Variants in DSCAM observed in about 807,000 individuals in gnomAD.
The protein encoded by DSCAM is DS cell adhesion molecule.
In DSCAM, 47 loss-of-function variants were observed where a neutral mutation model predicts 217.7. That is an observed-to-expected ratio of 0.22 (90% CI 0.17 to 0.28). The LOEUF (loss-of-function observed/expected upper bound fraction) is 0.28. DSCAM is among the 10% of genes least tolerant of loss of function. The probability of loss-of-function intolerance (pLI) is 1.00; values close to 1 mark genes in which losing one functional copy is unlikely to be tolerated. For missense variants in DSCAM, 2,080 were observed against 2,618.3 expected (o/e 0.79, Z 4.49); for synonymous variants, 1,056 against 1,015.3 (o/e 1.04, Z -0.76).
In DSCAM at chr21:40,719,976, T is replaced by C. The variant is rs147624617; in HGVS notation, c.44-11205A>G. Among the ~76,000 whole-genome samples the C allele has an allele frequency of 4.1e-4, 63 of 152,130 alleles. 1 individual carries two copies. In the East Asian group the frequency reaches 0.011, roughly 28 times the overall value. On this transcript the variant is annotated intron_variant, in intron 1 of 32. Coordinates refer to ENST00000400454, the MANE Select transcript of DSCAM (RefSeq NM_001389.5). ...GGAAAAAAATCATGAAGGAGATAAA[T>C]AGGAAATTAGGAGATCAGTAGCTCA...
chr21:40,708,542 G>A lies in DSCAM; in HGVS notation c.273C>T (p.Phe91=). The change falls in exon 2 of 33, where the codon TTC becomes TTT. Residue 91 remains phenylalanine (F), a synonymous_variant. Coordinates refer to ENST00000400454, the MANE Select transcript of DSCAM (RefSeq NM_001389.5). ...AAGTATTATCATGGATTAAGGTACT[G>A]AAGCTTGAAGGAGGGAAGGGGAAAA... ...LQIFPFPPSS[F]STLIHDNTYY... 2.5e-6 allele frequency: 4 copies of A among 1,593,582 alleles called. No individual in the cohort carries two copies. The highest frequency in any genetic ancestry group is 3.4e-6 in the Non-Finnish European group (4 of 1,168,206).
intron 14 of DSCAM, among the ~76,000 whole-genome samples, chr21:40,182,699 G>A (rs372340345): frequency 0.056 from 802 of 14,278 alleles, 2 homozygotes; most frequent in Middle Eastern, 0.1. Context: ...AACCGTGGAC[G>A]GGGGGGGGTT....
chr21:40,473,588 C>T (rs1177621396), intron 3 of DSCAM, among the ~76,000 whole-genome samples: 1 of 152,180 alleles, frequency 6.6e-6, no homozygotes, highest in African/African-American at 2.4e-5. Flanking sequence ...CTATGTGTTA[C>T]AGAATGTGCA....
chr21:40,507,134 A>T (rs930238817), intron 3 of DSCAM, among the ~76,000 whole-genome samples: 1 of 152,034 alleles, frequency 6.6e-6, no homozygotes, highest in Non-Finnish European at 1.5e-5. Flanking sequence ...AAAATTAGCC[A>T]GGCATGGTGG....
intron 32 of DSCAM, among the ~76,000 whole-genome samples, chr21:40,023,068 T>C (rs1161362473): frequency 1.5e-5 from 2 of 136,882 alleles, no homozygotes; most frequent in African/African-American, 5.4e-5. Context: ...TTCCCCTTCC[T>C]GTGTCCATGT....
chr21:40,787,835 C>T (rs940598100), intron 1 of DSCAM, among the ~76,000 whole-genome samples: 6 of 152,108 alleles, frequency 3.9e-5, no homozygotes, highest in Admixed American at 3.9e-4. Flanking sequence ...AAAAATGACA[C>T]TATGACATTA....
At chr21:40,297,577 A>G (rs1401222375) in intron 9 of DSCAM, among the ~76,000 whole-genome samples, 4 of 152,194 alleles carry the variant, frequency 2.6e-5, no homozygotes, top group East Asian at 3.8e-4. Flanking sequence ...CACATATGAT[A>G]GACTGAGAAG....
intron 5 of DSCAM, among the ~76,000 whole-genome samples, chr21:40,349,136 C>CAAAAAAAAAAAAAAAAAAAAACAAAAAA (rs758386936): frequency 2.6e-5 from 1 of 38,720 alleles, no homozygotes; most frequent in Non-Finnish European, 4.8e-5. Context: ...GACTCCATCT[C>CAAAAAAAAAAAAAAAAAAAAACAAAAAA]AAAAAAAAAA....
chr21:40,677,424 T>A (rs1437838656), intron 3 of DSCAM, among the ~76,000 whole-genome samples: 1 of 152,004 alleles, frequency 6.6e-6, no homozygotes, highest in Non-Finnish European at 1.5e-5. Context: ...GGAATGCAGA[T>A]AGTCACAAGG....
At chr21:40,139,111 GGTGT>G (rs201079838) in intron 18 of DSCAM, among the ~76,000 whole-genome samples, 3 of 148,088 alleles carry the variant, frequency 2.0e-5, no homozygotes, top group South Asian at 2.2e-4. Flanking sequence ...TGTGGTGTGT[GGTGT>G]GTGTATGTGT....
chr21:40,172,982 G>A (rs1272656288), intron 15 of DSCAM, among the ~76,000 whole-genome samples: 1 of 152,144 alleles, frequency 6.6e-6, no homozygotes, highest in Non-Finnish European at 1.5e-5. Context: ...CCCAGATGGG[G>A]AAAGGCTGAA....
chr21:40,097,199 T>C (rs1328463442), intron 20 of DSCAM, among the ~76,000 whole-genome samples: 2 of 152,042 alleles, frequency 1.3e-5, no homozygotes, highest in African/African-American at 4.8e-5. Flanking sequence ...ACCAATGTAA[T>C]GTGGGTATAT....
At chr21:40,820,637 T>A (rs1015263951) in intron 1 of DSCAM, among the ~76,000 whole-genome samples, 6 of 152,190 alleles carry the variant, frequency 3.9e-5, no homozygotes, top group Admixed American at 2.0e-4. Flanking sequence ...AAAATTTTTT[T>A]AAATTAGGGT....
intron 2 of DSCAM, among the ~76,000 whole-genome samples, chr21:40,698,554 C>G (rs1414504596): frequency 2.6e-5 from 4 of 152,084 alleles, no homozygotes; most frequent in Admixed American, 2.6e-4. Context: ...GCCTGCCTAA[C>G]AGGCGCCTGA....
intron 3 of DSCAM, chr21:40,618,874 G>T (rs1298844348): frequency 6.6e-6 from 1 of 152,286 alleles, no homozygotes; most frequent in Non-Finnish European, 1.5e-5. Context: ...AGCGCCTGGA[G>T]GTGGAAGGGA....
intron 10 of DSCAM, among the ~76,000 whole-genome samples, chr21:40,292,761 G>C (rs1351345680): frequency 6.7e-6 from 1 of 149,166 alleles, no homozygotes; most frequent in Non-Finnish European, 1.5e-5. Context: ...TTTTTTTTTT[G>C]AGATGGAGTC....
chr21:40,645,213 G>T (rs982733179), intron 3 of DSCAM, among the ~76,000 whole-genome samples: 1 of 152,088 alleles, frequency 6.6e-6, no homozygotes, highest in Admixed American at 6.6e-5. Context: ...GAAAGCCACA[G>T]CAATTAAAGA....
At chr21:40,513,149 C>T (rs1257827697) in intron 3 of DSCAM, 1 of 152,276 alleles carries the variant, frequency 6.6e-6, no homozygotes, top group South Asian at 2.1e-4. Context: ...AATCCGCCCG[C>T]CTTGGCCTCC....
Position 40,133,942 on chromosome 21 carries a change from G to A in DSCAM, c.3474C>T (p.Tyr1158=), listed in dbSNP as rs780221854. The A allele has an allele frequency of 1.2e-6, 2 of 1,613,480 alleles. No homozygotes were observed. Among genetic ancestry groups the A allele is most frequent in the African/African-American group, 1.3e-5 (1 of 74,946 alleles). Residue 1158 remains tyrosine (Y), a synonymous_variant, in exon 19 of 33, where the codon TAC becomes TAT. Transcript: ENST00000400454. ...PSLELDGLEK[Y]TNYSIQVLAF... ...CCAGCACCTGGATGCTGTAGTTGGT[G>A]TACTTTTCCAGCCCGTCCAGCTCCA... is the stretch of plus-strand genomic sequence containing the variant.
Sources: gnomAD v4.1 joint callset for allele counts (sites outside exome capture counted in the v4.1 genomes callset) on GRCh38, gnomAD v4.1.1 for gene constraint, MANE v1.5 for transcripts, NCBI Gene and HGNC (gene_info 2026-07-23, HGNC 2026-07-21) for gene names.